AIG1: variants seen among roughly 807,000 people sequenced by gnomAD.
AIG1 encodes the protein androgen induced 1, also known as androgen-induced gene 1 protein.
In AIG1, 23 loss-of-function variants were observed where a neutral mutation model predicts 31.4. The observed-to-expected ratio is 0.73, with a 90% CI of 0.53 to 1.04. AIG1 has a LOEUF of 1.04. AIG1 is among the 50% of genes least tolerant of loss of function. The pLI is 0.00. For missense variants in AIG1, 274 were observed against 295.0 expected, an observed-to-expected ratio of 0.93 and a Z score of 0.52; for synonymous variants, 100 against 110.5, an observed-to-expected ratio of 0.90 and a Z score of 0.60.
intron 3 of AIG1, among the ~76,000 whole-genome samples, chr6:143,217,753 C>T (rs1792147290): frequency 6.6e-6 from 1 of 152,228 alleles, no homozygotes; most frequent in Admixed American, 6.5e-5. Context: ...AAGTGATCTG[C>T]CCACCTTGGC....
At chr6:143,090,800 T>C (rs1049402575) in intron 1 of AIG1, among the ~76,000 whole-genome samples, 1 of 152,180 alleles carries the variant, frequency 6.6e-6, no homozygotes, top group East Asian at 1.9e-4. Flanking sequence ...TTGCTGAAGG[T>C]TGGGGTGACT....
At chr6:143,336,782 T>C (rs998013980) in intron 5 of AIG1, among the ~76,000 whole-genome samples, 13 of 152,130 alleles carry the variant, frequency 8.5e-5, no homozygotes, top group African/African-American at 2.7e-4. Context: ...ACACTCAGGG[T>C]ATGAGTCATC....
In AIG1 at chr6:143,204,287, A is replaced by C. The variant is rs115219301; in HGVS notation, c.399+39104A>C. ...GAGGTGACTCTGTGGTCTTTGGCTG[A>C]CATTGTCTTGTGCCCTTGGTGGGAA... On this transcript the variant is annotated intron_variant, in intron 3 of 5. Coordinates refer to ENST00000357847, the MANE Select transcript of AIG1 (RefSeq NM_016108.4). Among the ~76,000 whole-genome samples the C allele has an allele frequency of 8.4e-3, 1,280 of 152,260 alleles. 24 individuals are homozygous for C. The highest frequency in any genetic ancestry group is 0.029 in the African/African-American group (1,215 of 41,556).
rs564716282 is a variant in AIG1 at position 143,327,264 on chromosome 6, G to A, written c.516-6018G>A. ...CGCTACACTCTTCCTTTCCAACTTG[G>A]GCCTGGCAGAATGGTTCTCACAAAG... On this transcript the variant is annotated intron_variant, in intron 4 of 5. Transcript: ENST00000357847. The surrounding 1 kb of genome is among the most constrained non-coding windows in gnomAD (Gnocchi z 5.3). The A allele has an allele frequency of 6.4e-3, 1,321 of 205,216 alleles. 33 individuals carry two copies. Among genetic ancestry groups the A allele is most frequent in the Admixed American group, 0.047 (785 of 16,674 alleles). 12.7% of individuals were successfully genotyped at this position (205,216 alleles called of 1,614,324 possible).
chr6:143,247,322 G>T (rs2128644705), intron 3 of AIG1, among the ~76,000 whole-genome samples: 1 of 152,270 alleles, frequency 6.6e-6, no homozygotes, highest in Admixed American at 6.5e-5. Flanking sequence ...AGTAGAGACG[G>T]GGCTTCCCCA....
chr6:143,279,477 A>G lies in AIG1; in HGVS notation c.400-4633A>G, dbSNP rs889113649. Among the ~76,000 whole-genome samples the G allele has an allele frequency of 1.3e-5, 2 of 152,168 alleles. No homozygotes were observed. The highest frequency in any genetic ancestry group is 2.9e-5 in the Non-Finnish European group (2 of 68,022). ...TGTCTTCCTTTGAGCCTCTTCTGCA[A>G]AAGCCCTTTTTCTTGTCCCATCTGC... On this transcript the variant is annotated intron_variant, in intron 3 of 5. Coordinates refer to ENST00000357847, the MANE Select transcript of AIG1 (RefSeq NM_016108.4). This position sits in a 1 kb window ranked among gnomAD's most constrained non-coding sequence, Gnocchi z 5.4.
intron 1 of AIG1, among the ~76,000 whole-genome samples, chr6:143,092,898 A>C (rs1779427894): frequency 6.6e-6 from 1 of 152,062 alleles, no homozygotes; most frequent in Non-Finnish European, 1.5e-5. Context: ...TAAAATTTAA[A>C]AATTAGCTAT....
chr6:143,088,639 C>G (rs1425505075), intron 1 of AIG1, among the ~76,000 whole-genome samples: 1 of 152,172 alleles, frequency 6.6e-6, no homozygotes. Flanking sequence ...GTGAACAGAA[C>G]AAAGACCTCA....
At chr6:143,198,147 A>G (rs1790406391) in intron 3 of AIG1, among the ~76,000 whole-genome samples, 1 of 152,226 alleles carries the variant, frequency 6.6e-6, no homozygotes, top group Non-Finnish European at 1.5e-5. Flanking sequence ...TGTACCAAGT[A>G]CTATGTTCAG....
intron 3 of AIG1, among the ~76,000 whole-genome samples, chr6:143,175,395 T>C (rs1353114927): frequency 6.6e-6 from 1 of 152,230 alleles, no homozygotes; most frequent in East Asian, 1.9e-4. Flanking sequence ...TCCTCAAACA[T>C]GTTTTCCAGA....
intron 4 of AIG1, among the ~76,000 whole-genome samples, chr6:143,302,043 C>G (rs980023197): frequency 6.6e-6 from 1 of 151,748 alleles, no homozygotes; most frequent in Non-Finnish European, 1.5e-5. Context: ...AAATAGAACT[C>G]AATGGTGACT....
chr6:143,129,648 G>A (rs751054440), intron 1 of AIG1, among the ~76,000 whole-genome samples: 6 of 152,000 alleles, frequency 3.9e-5, no homozygotes, highest in African/African-American at 1.4e-4. Context: ...CCTAGAATTC[G>A]AGATTCTGTT....
intron 1 of AIG1, chr6:143,099,447 C>T (rs1207036468): frequency 1.3e-5 from 2 of 152,150 alleles, no homozygotes; most frequent in East Asian, 1.9e-4. Flanking sequence ...ATGATATGTG[C>T]ATAAGTTTTT....
intron 3 of AIG1, among the ~76,000 whole-genome samples, chr6:143,177,188 AG>A (rs1375959879): frequency 6.6e-6 from 1 of 152,112 alleles, no homozygotes; most frequent in African/African-American, 2.4e-5. Flanking sequence ...TTTCTCATTC[AG>A]ATTATGAATT....
chr6:143,183,950 A>G (rs989649282), intron 3 of AIG1, among the ~76,000 whole-genome samples: 1 of 152,196 alleles, frequency 6.6e-6, no homozygotes, highest in Non-Finnish European at 1.5e-5. Context: ...TATCCTTTCC[A>G]GTTCCCTGTT....
At chr6:143,127,360 C>G (rs570022921) in intron 1 of AIG1, among the ~76,000 whole-genome samples, 1 of 152,262 alleles carries the variant, frequency 6.6e-6, no homozygotes, top group African/African-American at 2.4e-5. Flanking sequence ...CTTGTTTCTT[C>G]TGTCTGCTGT....
chr6:143,062,176 CTTTTGGTTTAAAAA>C (rs1467686742), intron 1 of AIG1, among the ~76,000 whole-genome samples: 3 of 152,118 alleles, frequency 2.0e-5, no homozygotes, highest in Non-Finnish European at 4.4e-5. Flanking sequence ...TGCAGAGAGG[CTTTTGGTTTAAAAA>C]TAACACCTTA....
intron 3 of AIG1, among the ~76,000 whole-genome samples, chr6:143,174,700 A>G (rs1787969540): frequency 6.6e-6 from 1 of 151,846 alleles, no homozygotes; most frequent in African/African-American, 2.4e-5. Context: ...GGCCATTTAC[A>G]TTCAATGTTA....
chr6:143,078,900 G>T (rs1777965799), intron 1 of AIG1, among the ~76,000 whole-genome samples: 1 of 152,148 alleles, frequency 6.6e-6, no homozygotes, highest in Non-Finnish European at 1.5e-5. Context: ...GTTTAAGCAG[G>T]CAACCAACCA....
Sources: allele counts gnomAD v4.1 joint callset (sites outside exome capture counted in the v4.1 genomes callset), GRCh38; gene constraint gnomAD v4.1.1; non-coding constraint Gnocchi (gnomAD v3.1); transcripts MANE v1.5; gene names NCBI Gene and HGNC (gene_info 2026-07-23, HGNC 2026-07-21).